DCDC2C: variants seen among roughly 807,000 people sequenced by gnomAD.
The protein encoded by DCDC2C is doublecortin domain containing 2C, also known as doublecortin domain-containing protein 2C.
Under a neutral mutation model 45.0 loss-of-function variants are expected in DCDC2C, and 44 were observed. The observed-to-expected ratio is 0.98, with a 90% CI of 0.77 to 1.26. DCDC2C has a LOEUF of 1.26. DCDC2C is among the 50% of genes most tolerant of loss of function. The pLI is 0.00. For synonymous variants in DCDC2C, 187 were observed against 178.8 expected, an observed-to-expected ratio of 1.05 and a Z score of -0.37; for missense variants, 447 against 468.9, an observed-to-expected ratio of 0.95 and a Z score of 0.43.
At chr2:3,752,529 T>C (rs556847905) in intron 4 of DCDC2C, 41 of 601,672 alleles carry the variant, frequency 6.8e-5, no homozygotes, top group African/African-American at 5.6e-4. Context: ...AGCACTTGTA[T>C]ATAATTAAAA....
At chr2:3,790,316 A>G (rs1670770300) in intron 10 of DCDC2C, among the ~76,000 whole-genome samples, 1 of 152,232 alleles carries the variant, frequency 6.6e-6, no homozygotes, top group South Asian at 2.1e-4. Flanking sequence ...ATTGACATAA[A>G]TAATATTTAA....
chr2:3,776,733 C>T (rs756627615), intron 8 of DCDC2C, among the ~76,000 whole-genome samples: 4 of 152,154 alleles, frequency 2.6e-5, no homozygotes, highest in Non-Finnish European at 5.9e-5. Context: ...TGTGTGTGAC[C>T]TCCAGGAACA....
At chr2:3,736,914 C>T (rs1669047811) in intron 3 of DCDC2C, among the ~76,000 whole-genome samples, 1 of 152,170 alleles carries the variant, frequency 6.6e-6, no homozygotes, top group Admixed American at 6.5e-5. Flanking sequence ...TTACCCTTTT[C>T]AAATCAAAAT....
intron 10 of DCDC2C, among the ~76,000 whole-genome samples, chr2:3,837,761 T>C (rs1672117028): frequency 6.6e-6 from 1 of 151,734 alleles, no homozygotes; most frequent in South Asian, 2.1e-4. Context: ...AGAGAGGCGA[T>C]AACTGCTGGG....
chr2:3,741,511 C>T (rs1323774430), intron 3 of DCDC2C, among the ~76,000 whole-genome samples: 4 of 152,154 alleles, frequency 2.6e-5, no homozygotes, highest in South Asian at 2.1e-4. Context: ...GTCTGTATGC[C>T]TCCCCTAGAG....
intron 3 of DCDC2C, among the ~76,000 whole-genome samples, chr2:3,738,286 G>T (rs1198216529): frequency 6.6e-6 from 1 of 152,092 alleles, no homozygotes; most frequent in African/African-American, 2.4e-5. Context: ...TTTGAGCAAT[G>T]AGATTGAAAT....
At chr2:3,762,594 G>C (rs915946012) in intron 6 of DCDC2C, among the ~76,000 whole-genome samples, 12 of 151,954 alleles carry the variant, frequency 7.9e-5, no homozygotes, top group Admixed American at 2.0e-4. Flanking sequence ...AGAGAGTCGG[G>C]GGGAGCAGGG....
chr2:3,785,233 C>A, intron 10 of DCDC2C, 133 bp downstream of exon 10: 2 of 585,426 alleles, frequency 3.4e-6, no homozygotes, highest in Non-Finnish European at 5.0e-6. Flanking sequence ...TGTCATACAC[C>A]CTAGCTCTAT....
At position 3,716,489 on chromosome 2, in the gene DCDC2C, A is replaced by C. The variant is rs115901573; in HGVS notation, c.339+7889A>C. Among the ~76,000 whole-genome samples the C allele has an allele frequency of 3.6e-3, 542 of 152,358 alleles. 2 individuals are homozygous for C. The highest frequency in any genetic ancestry group is 0.012 in the African/African-American group (516 of 41,580). On this transcript the variant is annotated intron_variant, in intron 2 of 10. Coordinates refer to ENST00000399143, the MANE Select transcript of DCDC2C (RefSeq NM_001287444.2). Reference sequence around the variant, plus strand: ...ATTTAGTAATATGGAGGTCGTGGGCAGAAAAGAATAGAAGAGAGATGGGAG... The same window carrying C: ...ATTTAGTAATATGGAGGTCGTGGGCCGAAAAGAATAGAAGAGAGATGGGAG...
intron 2 of DCDC2C, 79 bp downstream of exon 2, chr2:3,708,679 T>G: frequency 8.6e-7 from 1 of 1,156,468 alleles, no homozygotes. Flanking sequence ...CACGGAATAA[T>G]TGAAGTTTCA....
chr2:3,803,709 G>T (rs1271320926), intron 10 of DCDC2C, among the ~76,000 whole-genome samples: 2 of 152,166 alleles, frequency 1.3e-5, no homozygotes, highest in Non-Finnish European at 2.9e-5. Context: ...CAGCTGCTCA[G>T]GCCCTCGAGG....
chr2:3,723,765 G>A (rs1026037487), intron 2 of DCDC2C, among the ~76,000 whole-genome samples: 1 of 152,210 alleles, frequency 6.6e-6, no homozygotes, highest in Non-Finnish European at 1.5e-5. Flanking sequence ...CGGATGCGCA[G>A]ATGGCATAAA....
chr2:3,758,761 G>A (rs1389453039), intron 6 of DCDC2C, among the ~76,000 whole-genome samples: 1 of 152,176 alleles, frequency 6.6e-6, no homozygotes, highest in Non-Finnish European at 1.5e-5. Context: ...TGTGTTCAGC[G>A]GAAGGTTCGC....
intron 2 of DCDC2C, among the ~76,000 whole-genome samples, chr2:3,718,952 G>A (rs891493525): frequency 7.9e-5 from 12 of 152,138 alleles, no homozygotes; most frequent in African/African-American, 2.4e-4. Context: ...GCTACAGAGC[G>A]CTGATTGGTG....
At chr2:3,787,455 T>G (rs551280100) in intron 10 of DCDC2C, among the ~76,000 whole-genome samples, 88 of 152,196 alleles carry the variant, frequency 5.8e-4, no homozygotes, top group Non-Finnish European at 1.1e-3. Flanking sequence ...ACTGGTATTC[T>G]CTAATATAAT....
At chr2:3,806,341 T>C (rs1462336306) in intron 10 of DCDC2C, among the ~76,000 whole-genome samples, 1 of 152,238 alleles carries the variant, frequency 6.6e-6, no homozygotes, top group Non-Finnish European at 1.5e-5. Context: ...ACTGGTGTGC[T>C]TCTATCAGCT....
intron 4 of DCDC2C, among the ~76,000 whole-genome samples, chr2:3,747,167 T>C (rs1043563041): frequency 2.0e-5 from 3 of 152,146 alleles, no homozygotes; most frequent in African/African-American, 7.2e-5. Context: ...AGCACACACA[T>C]GTGTGTTCCC....
At chr2:3,845,036 C>A (rs1672295240) in intron 10 of DCDC2C, among the ~76,000 whole-genome samples, 1 of 152,206 alleles carries the variant, frequency 6.6e-6, no homozygotes, top group African/African-American at 2.4e-5. Flanking sequence ...TATATATATG[C>A]CTTCTATGTC....
intron 2 of DCDC2C, among the ~76,000 whole-genome samples, chr2:3,711,840 A>G (rs569686691): frequency 2.6e-5 from 4 of 152,310 alleles, no homozygotes; most frequent in Admixed American, 2.6e-4. Flanking sequence ...TGGATTCCAT[A>G]ATATTTCTGA....
Sources: gnomAD v4.1 joint callset for allele counts (sites outside exome capture counted in the v4.1 genomes callset) on GRCh38, gnomAD v4.1.1 for gene constraint, MANE v1.5 for transcripts, NCBI Gene and HGNC (gene_info 2026-07-23, HGNC 2026-07-21) for gene names.